Variants in NPRL2 observed in about 807,000 individuals in gnomAD.
NPRL2 encodes the protein GATOR1 complex protein NPRL2.
Under a neutral mutation model 51.1 loss-of-function variants are expected in NPRL2, and 21 were observed. That is an observed-to-expected ratio of 0.41 (90% CI 0.29 to 0.59). NPRL2 has a LOEUF of 0.59. Among genes scored for constraint, NPRL2 ranks in the 20% least tolerant of loss-of-function variants. The pLI, the probability that NPRL2 is intolerant of heterozygous loss-of-function variation, is 0.29. For synonymous variants in NPRL2, 175 were observed against 187.8 expected, an observed-to-expected ratio of 0.93 and a Z score of 0.56; for missense variants, 376 against 483.4, an observed-to-expected ratio of 0.78 and a Z score of 2.08.
In NPRL2 at chr3:50,349,858, C is replaced by A. The variant is rs749482503; in HGVS notation, c.171-25G>T. The A allele has an allele frequency of 6.2e-7, 1 of 1,612,016 alleles. No individual in the cohort carries two copies. Among genetic ancestry groups the A allele is most frequent in the South Asian group, 1.1e-5 (1 of 90,944 alleles). ...GCTGGATAATTGGAACACAGTCAGG[C>A]CCCCAAGCCTGTCCCTTCCTCCTCC... On this transcript the variant is annotated intron_variant, in intron 2 of 10. Transcript: ENST00000232501. This position sits in a 1 kb window ranked among gnomAD's most constrained non-coding sequence, Gnocchi z 4.6.
At position 50,347,837 on chromosome 3, in the gene NPRL2, C is replaced by A. The variant is rs1703609069; in HGVS notation, c.997G>T (p.Val333Leu). The change falls in exon 10 of 11, where the codon GTG becomes TTG. Residue 333 changes from valine (V) to leucine (L), a missense_variant. Physicochemically the swap from Val to Leu is conservative, Grantham distance 32 (BLOSUM62 1). Transcript: ENST00000232501. Reference protein sequence around the residue: ...IRRLQKYPVRVTREEQSHPAR... With the variant: ...IRRLQKYPVRLTREEQSHPAR... ...GGGTGGCTCTGCTCTTCCCGAGTCA[C>A]CCGCACAGGATACTTCTGTAGTCGC... The A allele has an allele frequency of 6.2e-7, 1 of 1,613,942 alleles. No homozygotes were observed. The highest frequency in any genetic ancestry group is 8.5e-7 in the Non-Finnish European group (1 of 1,180,050).
In NPRL2 at chr3:50,348,610, A is replaced by AC. The variant is rs778916381; in HGVS notation, c.684-48dup. 19 of 1,613,870 alleles carry AC rather than the reference A, an allele frequency of 1.2e-5. No homozygotes were observed. In the East Asian group the frequency reaches 3.6e-4, roughly 30 times the overall value. ...AGCTTCTGAGGACCATGCCTTCCCA[A>AC]CCCTCACACCCAGGGCCCCTGAGGT... On this transcript the variant is annotated intron_variant, in intron 6 of 10. Transcript: ENST00000232501. The surrounding 1 kb of genome is among the most constrained non-coding windows in gnomAD (Gnocchi z 5.8).
Position 50,347,683 on chromosome 3 carries a change from G to A in NPRL2, c.1076-10C>T, listed in dbSNP as rs201857853. 6 of 1,614,058 alleles carry A rather than the reference G, an allele frequency of 3.7e-6. No individual in the cohort carries two copies. The African/African-American group carries it at 6.7e-5, about 18-fold the overall frequency. ...TCATGGTAGCTCATGCCTGGGTGGG[G>A]TGGTGGAGGAGAGGTCAGTGGCCTT... On this transcript the variant is annotated splice_polypyrimidine_tract_variant and intron_variant, in intron 10 of 10. Coordinates refer to ENST00000232501, the MANE Select transcript of NPRL2 (RefSeq NM_006545.5).
Position 50,350,552 on chromosome 3 carries a change from A to G in NPRL2, c.78+23T>C. On this transcript the variant is annotated intron_variant, in intron 1 of 10. Coordinates refer to ENST00000232501, the MANE Select transcript of NPRL2 (RefSeq NM_006545.5). The surrounding 1 kb of genome is among the most constrained non-coding windows in gnomAD (Gnocchi z 5.7). ...CTCGAGAACGTCCCTCTTCCCGCCC[A>G]GTCCCGCGAGCCCGGGTGGCACCTG... is the stretch of plus-strand genomic sequence containing the variant. The G allele has an allele frequency of 6.3e-7, 1 of 1,591,846 alleles. No individual in the cohort carries two copies. The highest frequency in any genetic ancestry group is 8.6e-7 in the Non-Finnish European group (1 of 1,168,628).
In NPRL2 at chr3:50,347,492, T is replaced by C. The variant is rs989992766; in HGVS notation, c.*114A>G. 7.3e-7 allele frequency: 1 copy of C among 1,376,208 alleles called. No homozygotes were observed. The allele number at this position is 1,376,208 out of a possible 1,614,324, so 85.2% of individuals were successfully genotyped here. A position where few individuals can be genotyped will look rare whatever the true frequency, so the allele number is the denominator to read the frequency against. Reference sequence around the variant, plus strand: ...CAGAAACAGCACTCAATAAAGGCTGTTTGAAATGGATGTCTTTATTTACAG... The same window carrying C: ...CAGAAACAGCACTCAATAAAGGCTGCTTGAAATGGATGTCTTTATTTACAG... On this transcript the variant is annotated 3_prime_UTR_variant, in exon 11 of 11. Transcript: ENST00000232501.
rs1703660682 is a variant in NPRL2, at chr3:50,349,148, AACGGAGGCCC to A, written c.449-148_449-139del. On this transcript the variant is annotated intron_variant, in intron 4 of 10. Coordinates refer to ENST00000232501, the MANE Select transcript of NPRL2 (RefSeq NM_006545.5). This position sits in a 1 kb window ranked among gnomAD's most constrained non-coding sequence, Gnocchi z 4.6. ...ATCTTTCTCTTTTTATGGAGTGAGA[AACGGAGGCCC>A]ACAAAGGGGAAGGAATTGCCCAAGG... 1.8e-6 allele frequency: 2 copies of A among 1,110,492 alleles called. No individual in the cohort carries two copies. The highest frequency in any genetic ancestry group is 2.6e-5 in the Admixed American group (1 of 38,306). 68.8% of individuals were successfully genotyped at this position (1,110,492 alleles called of 1,614,324 possible).
rs1251989470 is a variant in NPRL2, at chr3:50,349,808, C to T, written c.196G>A (p.Gly66Ser). Residue 66 changes from glycine to serine, a missense_variant, in exon 3 of 11, where the codon GGC (glycine) becomes AGC (serine). Coordinates refer to ENST00000232501, the MANE Select transcript of NPRL2 (RefSeq NM_006545.5). The surrounding 1 kb of genome is among the most constrained non-coding windows in gnomAD (Gnocchi z 4.6). ...TTGTGTTCGATGCACACAGGACAGC[C>T]GATCAGCTTCTTTTCCATAGCTGTG... ...TVTAMEKKLI[G>S]CPVCIEHKKY... The T allele has an allele frequency of 1.2e-6, 2 of 1,612,552 alleles. No individual in the cohort carries two copies. Among genetic ancestry groups the T allele is most frequent in the Non-Finnish European group, 8.5e-7 (1 of 1,178,992 alleles).
rs750723481 is a variant in NPRL2, at chr3:50,350,504, G to A, written c.78+71C>T. The A allele has an allele frequency of 1.3e-5, 19 of 1,465,058 alleles. No homozygotes were observed. Among genetic ancestry groups the A allele is most frequent in the Admixed American group, 2.0e-5 (1 of 50,796 alleles). The allele number at this position is 1,465,058 out of a possible 1,614,324, so 90.8% of individuals were successfully genotyped here. On this transcript the variant is annotated intron_variant, in intron 1 of 10. Coordinates refer to ENST00000232501, the MANE Select transcript of NPRL2 (RefSeq NM_006545.5). This position sits in a 1 kb window ranked among gnomAD's most constrained non-coding sequence, Gnocchi z 5.7. Reference sequence around the variant, plus strand: ...CCTGCGTGCAGCACGGGAAACTACTGCCTTCAGGCAGCCAGTTGAGCTCTC... The same window carrying A: ...CCTGCGTGCAGCACGGGAAACTACTACCTTCAGGCAGCCAGTTGAGCTCTC...
Position 50,348,216 on chromosome 3 carries a change from A to G in NPRL2, c.840T>C (p.Asp280=), listed in dbSNP as rs1703625087. Residue 280 remains aspartate (D), a synonymous_variant, in exon 9 of 11, where the codon GAT becomes GAC. Coordinates refer to ENST00000232501, the MANE Select transcript of NPRL2 (RefSeq NM_006545.5). This position sits in a 1 kb window ranked among gnomAD's most constrained non-coding sequence, Gnocchi z 5.8. ...TCAGGCTGCAGTATAGCTGGAACAC[A>G]TCCCGGAGACTGGCCCTCTTGTGCC... The part of the protein sequence containing the change: ...KQGHKRASLR[D]VFQLYCSLSP... 6.2e-7 allele frequency: 1 copy of G among 1,613,982 alleles called. No homozygotes were observed. Among genetic ancestry groups the G allele is most frequent in the South Asian group, 1.1e-5 (1 of 91,086 alleles).
Position 50,350,097 on chromosome 3 carries a change from G to T in NPRL2, c.79-75C>A. On this transcript the variant is annotated intron_variant, in intron 1 of 10. Coordinates refer to ENST00000232501, the MANE Select transcript of NPRL2 (RefSeq NM_006545.5). The surrounding 1 kb of genome is among the most constrained non-coding windows in gnomAD (Gnocchi z 5.7). ...GTAGTACAAATGGTGACCTCCTCATGCCCCCCAAGCCCAAGTCCTCTTCTC... is the reference window on the plus strand; with the variant it reads ...GTAGTACAAATGGTGACCTCCTCATTCCCCCCAAGCCCAAGTCCTCTTCTC... The T allele has an allele frequency of 2.5e-6, 3 of 1,187,956 alleles. No homozygotes were observed. Among genetic ancestry groups the T allele is most frequent in the African/African-American group, 1.5e-5 (1 of 66,562 alleles). 73.6% of individuals were successfully genotyped at this position (1,187,956 alleles called of 1,614,324 possible). A position where few individuals can be genotyped will look rare whatever the true frequency, so the allele number is the denominator to read the frequency against.
At position 50,348,873 on chromosome 3, in the gene NPRL2, CTTG is replaced by C. The variant is rs1466546524; in HGVS notation, c.583_585del (p.Gln195del). On this transcript the variant is annotated inframe_deletion and splice_region_variant, in exon 5 of 11. Coordinates refer to ENST00000232501, the MANE Select transcript of NPRL2 (RefSeq NM_006545.5). This position sits in a 1 kb window ranked among gnomAD's most constrained non-coding sequence, Gnocchi z 5.8. ...ATGATACCCAGGGAGGGATGGCATA[CTTG>C]TTGTGTAGTGAGGTCCCACTGTGAG... The C allele has an allele frequency of 1.2e-6, 2 of 1,613,972 alleles. No homozygotes were observed. The highest frequency in any genetic ancestry group is 2.2e-5 in the East Asian group (1 of 44,884).
chr3:50,349,132 T>C lies in NPRL2; in HGVS notation c.449-122A>G. 8.1e-7 allele frequency: 1 copy of C among 1,235,400 alleles called. No individual in the cohort carries two copies. Among genetic ancestry groups the C allele is most frequent in the Non-Finnish European group, 1.1e-6 (1 of 892,752 alleles). The allele number at this position is 1,235,400 out of a possible 1,614,324, so 76.5% of individuals were successfully genotyped here. A position where few individuals can be genotyped will look rare whatever the true frequency, so the allele number is the denominator to read the frequency against. ...CCTCTGGGTAGGGCTAATCTTTCTC[T>C]TTTTATGGAGTGAGAAACGGAGGCC... On this transcript the variant is annotated intron_variant, in intron 4 of 10. Transcript: ENST00000232501. This position sits in a 1 kb window ranked among gnomAD's most constrained non-coding sequence, Gnocchi z 4.6.
In NPRL2 at chr3:50,350,339, A is replaced by AC; in HGVS notation, c.78+235dup. On this transcript the variant is annotated intron_variant, in intron 1 of 10. Coordinates refer to ENST00000232501, the MANE Select transcript of NPRL2 (RefSeq NM_006545.5). This position sits in a 1 kb window ranked among gnomAD's most constrained non-coding sequence, Gnocchi z 5.7. The stretch of plus-strand genomic sequence containing the variant: ...CAACTCACCTTCTGTGGGACCTGGA[A>AC]CCCCCCAACCGGATCCCTACAGCCC... 3.3e-6 allele frequency: 2 copies of AC among 605,482 alleles called. No homozygotes were observed. The highest frequency in any genetic ancestry group is 2.9e-6 in the Non-Finnish European group (1 of 343,936). The allele number at this position is 605,482 out of a possible 1,614,324, so 37.5% of individuals were successfully genotyped here.
rs1703668504 is a variant in NPRL2 at position 50,349,350 on chromosome 3, C to G, written c.448+36G>C. ...CTGGGTTCACTTTCCCATCTCTCCT[C>G]TACCCCTCTGCTGTCCTTGCAGAGG... is the stretch of plus-strand genomic sequence containing the variant. On this transcript the variant is annotated intron_variant, in intron 4 of 10. Coordinates refer to ENST00000232501, the MANE Select transcript of NPRL2 (RefSeq NM_006545.5). The surrounding 1 kb of genome is among the most constrained non-coding windows in gnomAD (Gnocchi z 4.6). 1.3e-6 allele frequency: 2 copies of G among 1,560,074 alleles called. No individual in the cohort carries two copies. The highest frequency in any genetic ancestry group is 3.3e-5 in the Admixed American group (2 of 59,868).
rs587694208 is a variant in NPRL2, at chr3:50,350,013, C to T, written c.88G>A (p.Asp30Asn). 1 of 1,613,772 alleles carries T rather than the reference C, an allele frequency of 6.2e-7. No homozygotes were observed. Among genetic ancestry groups the T allele is most frequent in the Admixed American group, 1.7e-5 (1 of 60,018 alleles). The change falls in exon 2 of 11, where the codon GAC (aspartate) becomes AAC (asparagine). Residue 30 changes from aspartate to asparagine, a missense_variant. Asp to Asn is a conservative substitution (Grantham distance 23, BLOSUM62 1). Transcript: ENST00000232501. The surrounding 1 kb of genome is among the most constrained non-coding windows in gnomAD (Gnocchi z 5.7). ...TCAAACAGCTCTCGGGAGATGAAGTCTTCAGGGACCTGGGGAGGGGAGTGG... is the reference window on the plus strand; with the variant it reads ...TCAAACAGCTCTCGGGAGATGAAGTTTTCAGGGACCTGGGGAGGGGAGTGG... ...GPKITYQVPE[D>N]FISRELFDTV...
chr3:50,348,471 T>C lies in NPRL2; in HGVS notation c.720+56A>G. 6.2e-7 allele frequency: 1 copy of C among 1,613,388 alleles called. No homozygotes were observed. Among genetic ancestry groups the C allele is most frequent in the South Asian group, 1.1e-5 (1 of 91,070 alleles). ...GGGGCTTGGGAAGCTGACACAGCCC[T>C]GGTCTGGTCCAGCCACATGATCCAC... is the stretch of plus-strand genomic sequence containing the variant. On this transcript the variant is annotated intron_variant, in intron 7 of 10. Transcript: ENST00000232501. This position sits in a 1 kb window ranked among gnomAD's most constrained non-coding sequence, Gnocchi z 5.8.
rs1431919987 is a variant in NPRL2, at chr3:50,349,113, G to A, written c.449-103C>T. 7.3e-7 allele frequency: 1 copy of A among 1,369,850 alleles called. No individual in the cohort carries two copies. The highest frequency in any genetic ancestry group is 1.0e-6 in the Non-Finnish European group (1 of 1,002,860). 84.9% of individuals were successfully genotyped at this position (1,369,850 alleles called of 1,614,324 possible). On this transcript the variant is annotated intron_variant, in intron 4 of 10. Coordinates refer to ENST00000232501, the MANE Select transcript of NPRL2 (RefSeq NM_006545.5). This position sits in a 1 kb window ranked among gnomAD's most constrained non-coding sequence, Gnocchi z 4.6. Reference sequence around the variant, plus strand: ...CCCTTGGGGCAAGCAGGTGCCTCTGGGTAGGGCTAATCTTTCTCTTTTTAT... The same window carrying A: ...CCCTTGGGGCAAGCAGGTGCCTCTGAGTAGGGCTAATCTTTCTCTTTTTAT...
At position 50,348,869 on chromosome 3, in the gene NPRL2, C is replaced by T; in HGVS notation, c.585+5G>A. 2.5e-6 allele frequency: 4 copies of T among 1,613,954 alleles called. No individual in the cohort carries two copies. Among genetic ancestry groups the T allele is most frequent in the Non-Finnish European group, 3.4e-6 (4 of 1,179,956 alleles). The stretch of plus-strand genomic sequence containing the variant: ...GGTGATGATACCCAGGGAGGGATGG[C>T]ATACTTGTTGTGTAGTGAGGTCCCA... On this transcript the variant is annotated splice_donor_5th_base_variant and intron_variant, in intron 5 of 10. Coordinates refer to ENST00000232501, the MANE Select transcript of NPRL2 (RefSeq NM_006545.5). The surrounding 1 kb of genome is among the most constrained non-coding windows in gnomAD (Gnocchi z 5.8).
chr3:50,347,358 TA>T lies in NPRL2; in HGVS notation c.*247del. 4.9e-6 allele frequency: 1 copy of T among 205,338 alleles called. No homozygotes were observed. The allele number at this position is 205,338 out of a possible 1,614,324, so 12.7% of individuals were successfully genotyped here. A position where few individuals can be genotyped will look rare whatever the true frequency, so the allele number is the denominator to read the frequency against. ...TTTTTTTTTTTTTTTTTTTTTTTTG[TA>T]ATTAACCGGCACTTTTATTTGTCGA... On this transcript the variant is annotated 3_prime_UTR_variant, in exon 11 of 11. Transcript: ENST00000232501.
Sources: allele counts gnomAD v4.1 joint callset, GRCh38; gene constraint gnomAD v4.1.1; non-coding constraint Gnocchi (gnomAD v3.1); transcripts MANE v1.5; gene names NCBI Gene and HGNC (gene_info 2026-07-23, HGNC 2026-07-21).